The following NES variants were observed in gnomAD, a reference collection of about 807,000 sequenced individuals.
The protein encoded by NES is nestin.
Under a neutral mutation model 35.6 loss-of-function variants are expected in NES, and 27 were observed. That is an observed-to-expected ratio of 0.76 (90% confidence interval 0.56 to 1.04). The LOEUF (loss-of-function observed/expected upper bound fraction) is 1.04, where lower values mean the gene tolerates loss of function less well. NES is among the 50% of genes least tolerant of loss of function. The pLI, the probability that NES is intolerant of heterozygous loss-of-function variation, is 0.00. For synonymous variants in NES, 822 were observed against 824.2 expected (o/e 1.00, Z 0.04); for missense variants, 1,867 against 1,983.6 (o/e 0.94, Z 1.12).
Position 156,676,753 on chromosome 1 carries a change from G to A in NES, c.512C>T (p.Pro171Leu). 7.4e-7 allele frequency: 1 copy of A among 1,356,366 alleles called. No individual in the cohort carries two copies. Among genetic ancestry groups the A allele is most frequent in the Non-Finnish European group, 9.4e-7 (1 of 1,063,626 alleles). 84.0% of individuals were successfully genotyped at this position (1,356,366 alleles called of 1,614,324 possible). ...CPAPPRGPPA[P>L]APEVEELARR... ...TGCCAGCTCCTCTACCTCCGGGGCC[G>A]GCGCGGGAGGCCCGCGGGGCGGCGC... The change falls in exon 1 of 4, where the codon CCG becomes CTG. Residue 171 changes from proline (P) to leucine (L), a missense_variant. Coordinates refer to ENST00000368223, the MANE Select transcript of NES (RefSeq NM_006617.2). The surrounding 1 kb of genome is among the most constrained non-coding windows in gnomAD (Gnocchi z 5.3).
rs780232153 is a variant in NES at position 156,669,302 on chromosome 1, G to C, written c.*20C>G. The C allele has an allele frequency of 1.3e-6, 2 of 1,517,782 alleles. No homozygotes were observed. Among genetic ancestry groups the C allele is most frequent in the Non-Finnish European group, 1.8e-6 (2 of 1,125,600 alleles). The allele number at this position is 1,517,782 out of a possible 1,614,324, so 94.0% of individuals were successfully genotyped here. On this transcript the variant is annotated 3_prime_UTR_variant, in exon 4 of 4. Transcript: ENST00000368223. ...CTCCCCGCACCCCTAAGTCCCCAGT[G>C]CCGGGCAGATGGTCTTTTCCTAGTC...
chr1:156,671,277 C>T lies in NES; in HGVS notation c.2911G>A (p.Gly971Arg), dbSNP rs1679725245. Residue 971 changes from glycine to arginine, a missense_variant, in exon 4 of 4, where the codon GGA becomes AGA. By Grantham distance (125) the Gly-to-Arg change is moderately radical. Coordinates refer to ENST00000368223, the MANE Select transcript of NES (RefSeq NM_006617.2). Reference sequence around the variant, plus strand: ...TCTGCCTCATCCTCATTTTCCACTCCAGCCATCCCAGGAGGGCTTTCCTGA... The same window carrying T: ...TCTGCCTCATCCTCATTTTCCACTCTAGCCATCCCAGGAGGGCTTTCCTGA... ...LAQESPPGMA[G>R]VENEDEAELN... is the part of the protein sequence containing the mutation. 5.6e-6 allele frequency: 9 copies of T among 1,614,044 alleles called. No homozygotes were observed. The highest frequency in any genetic ancestry group is 7.6e-6 in the Non-Finnish European group (9 of 1,180,034).
Position 156,675,306 on chromosome 1 carries a change from C to A in NES, c.818G>T (p.Gly273Val), listed in dbSNP as rs1379530051. ...AVEALEQEKQGLQSQIAQVLE... is the reference protein window; with the variant it reads ...AVEALEQEKQVLQSQIAQVLE... ...GACCTGAGCGATCTGGCTCTGTAGG[C>A]CCTGTTTCTCCTGCTCCAGGGCCTC... is the stretch of plus-strand genomic sequence containing the variant. Residue 273 changes from glycine (G) to valine (V), a missense_variant, in exon 2 of 4, where the codon GGC becomes GTC. Gly to Val is a moderately radical substitution (Grantham distance 109, BLOSUM62 -3). Coordinates refer to ENST00000368223, the MANE Select transcript of NES (RefSeq NM_006617.2). 1 of 1,612,882 alleles carries A rather than the reference C, an allele frequency of 6.2e-7. No individual in the cohort carries two copies. Among genetic ancestry groups the A allele is most frequent in the East Asian group, 2.2e-5 (1 of 44,840 alleles).
rs754600642 is a variant in NES, at chr1:156,670,604, G to T, written c.3584C>A (p.Thr1195Asn). 6.2e-7 allele frequency: 1 copy of T among 1,613,772 alleles called. No individual in the cohort carries two copies. The highest frequency in any genetic ancestry group is 1.1e-5 in the South Asian group (1 of 91,080). ...CCAAGGTGAAGGGGCATCACTTCCA[G>T]TGTGGCCCAGGGTCTCAGCAGGGAA... The part of the protein sequence containing the change: ...EAFPAETLGH[T>N]GSDAPSPWPL... Residue 1195 changes from threonine to asparagine, a missense_variant, in exon 4 of 4, where the codon ACT (threonine) becomes AAT (asparagine). Physicochemically the swap from Thr to Asn is moderately conservative, Grantham distance 65. Transcript: ENST00000368223.
In NES at chr1:156,677,367, C is replaced by A; in HGVS notation, c.-103G>T. 1.3e-4 allele frequency: 35 copies of A among 267,912 alleles called. No homozygotes were observed. Among genetic ancestry groups the A allele is most frequent in the South Asian group, 3.2e-4 (11 of 34,832 alleles). The allele number at this position is 267,912 out of a possible 1,614,324, so 16.6% of individuals were successfully genotyped here. A position where few individuals can be genotyped will look rare whatever the true frequency, so the allele number is the denominator to read the frequency against. On this transcript the variant is annotated 5_prime_UTR_variant, in exon 1 of 4. Coordinates refer to ENST00000368223, the MANE Select transcript of NES (RefSeq NM_006617.2). The surrounding 1 kb of genome is among the most constrained non-coding windows in gnomAD (Gnocchi z 4.5). ...GGAAGAGAAAAGAGACCGACGGGGA[C>A]AATGACGGGGCGGGGCGGGGTGGGA...
Position 156,671,020 on chromosome 1 carries a change from G to A in NES, c.3168C>T (p.Pro1056=), listed in dbSNP as rs938292722. 21 of 1,612,550 alleles carry A rather than the reference G, an allele frequency of 1.3e-5. No homozygotes were observed. The highest frequency in any genetic ancestry group is 1.7e-5 in the Non-Finnish European group (20 of 1,179,642). ...QQVGAPGLQA[P]QGLPEAIEPL... The stretch of plus-strand genomic sequence containing the variant: ...GCTCTATCGCCTCTGGCAGCCCCTG[G>A]GGAGCCTGGAGGCCTGGGGCCCCCA... Residue 1056 remains proline (P), a synonymous_variant, in exon 4 of 4, where the codon CCC becomes CCT. Transcript: ENST00000368223.
In NES at chr1:156,671,934, G is replaced by A; in HGVS notation, c.2254C>T (p.Gln752Ter). The A allele has an allele frequency of 1.2e-6, 2 of 1,614,084 alleles. No homozygotes were observed. The highest frequency in any genetic ancestry group is 1.7e-6 in the Non-Finnish European group (2 of 1,180,026). ...KSLRSLEEQD[Q>*]ETLRTLEKET... is the part of the protein sequence containing the mutation. ...TTTTCAAGAGTTCTCAATGTCTCTT[G>A]GTCCTGTTCTTCTAAAGACCTCAGT... The change falls in exon 4 of 4, where the codon CAA becomes TAA. Residue 752 changes from glutamine to a stop codon, truncating the protein, a stop_gained. Transcript: ENST00000368223. LOFTEE classifies it low-confidence loss of function (END_TRUNC).
In NES at chr1:156,670,023, G is replaced by T. The variant is rs757359105; in HGVS notation, c.4165C>A (p.Pro1389Thr). The T allele has an allele frequency of 6.2e-7, 1 of 1,613,984 alleles. No individual in the cohort carries two copies. Among genetic ancestry groups the T allele is most frequent in the Non-Finnish European group, 8.5e-7 (1 of 1,179,988 alleles). The change falls in exon 4 of 4, where the codon CCT becomes ACT. Residue 1389 changes from proline (P) to threonine (T), a missense_variant. Physicochemically the swap from Pro to Thr is conservative, Grantham distance 38. Coordinates refer to ENST00000368223, the MANE Select transcript of NES (RefSeq NM_006617.2). The stretch of plus-strand genomic sequence containing the variant: ...AGCAGCTGGGGCACCTGGCCCAGAG[G>T]TTCTGCCACCTCCCCAGGGACCCCA... ...LPGVPGEVAE[P>T]LGQVPQLLLD...
intron 1 of NES, 21 bp from the exon 2 acceptor site, chr1:156,675,361 A>G (rs961540741): frequency 6.3e-7 from 1 of 1,589,558 alleles, no homozygotes; most frequent in South Asian, 1.1e-5. Flanking sequence ...GGCGAGAGGC[A>G]GTCAGTGGAG....
chr1:156,669,322 C>G lies in NES; in HGVS notation c.4866G>C (p.Ter1622TyrextTer11). The change falls in exon 4 of 4, where the codon TAG becomes TAC. Residue 1622 changes from the stop codon to tyrosine (Y), a stop_lost. Coordinates refer to ENST00000368223, the MANE Select transcript of NES (RefSeq NM_006617.2). ...CCAGTGCCGGGCAGATGGTCTTTTC[C>G]TAGTCCTCCCCTGAGGACCAGGACT... is the stretch of plus-strand genomic sequence containing the variant. ...DRESWSSGED[*>Y] The G allele has an allele frequency of 1.3e-6, 2 of 1,545,954 alleles. No homozygotes were observed. The highest frequency in any genetic ancestry group is 2.7e-5 in the African/African-American group (2 of 72,766).
chr1:156,673,908 G>A (rs1009860418), intron 2 of NES, among the ~76,000 whole-genome samples: 15 of 152,124 alleles, frequency 9.9e-5, no homozygotes, highest in Non-Finnish European at 1.6e-4. Flanking sequence ...TGCTGCCATT[G>A]TCCAAGCCAC....
chr1:156,670,836 C>A lies in NES; in HGVS notation c.3352G>T (p.Glu1118Ter). 1 of 1,612,916 alleles carries A rather than the reference C, an allele frequency of 6.2e-7. No individual in the cohort carries two copies. The highest frequency in any genetic ancestry group is 8.5e-7 in the Non-Finnish European group (1 of 1,179,264). Residue 1118 changes from glutamate to a stop codon, truncating the protein, a stop_gained, in exon 4 of 4, where the codon GAG becomes TAG. Transcript: ENST00000368223. LOFTEE classifies it low-confidence loss of function (END_TRUNC). The stretch of plus-strand genomic sequence containing the variant: ...TCTTCCAGGGGTGGTTCCATCACCT[C>A]TTCCCTGGTCAGATGGCCTGGGTCC... ...LGDPGHLTRE[E>*]VMEPPLEEES... is the part of the protein sequence containing the mutation.
chr1:156,673,613 C>T, intron 2 of NES, 86 bp from the exon 3 acceptor site: 1 of 955,150 alleles, frequency 1.0e-6, no homozygotes, highest in Non-Finnish European at 1.6e-6. Flanking sequence ...TCAGGCTGAG[C>T]TTGCACCATC....
Position 156,672,877 on chromosome 1 carries a change from A to T in NES, c.1311T>A (p.Pro437=), listed in dbSNP as rs1365370208. The change falls in exon 4 of 4, where the codon CCT becomes CCA. Residue 437 remains proline (P), a synonymous_variant. Coordinates refer to ENST00000368223, the MANE Select transcript of NES (RefSeq NM_006617.2). ...PLRAEARVAI[P]ASVLPGPEEP... is the part of the protein sequence containing the mutation. ...CCTCTGGTCCAGGCAGGACGCTGGC[A>T]GGAATGGCCACCCTGGCTTCAGCCC... 1.2e-6 allele frequency: 2 copies of T among 1,613,938 alleles called. No individual in the cohort carries two copies. The highest frequency in any genetic ancestry group is 2.7e-5 in the African/African-American group (2 of 75,040).
chr1:156,673,452 AC>A lies in NES; in HGVS notation c.982+1del. On this transcript the variant is annotated splice_donor_variant, in intron 3 of 3. Coordinates refer to ENST00000368223, the MANE Select transcript of NES (RefSeq NM_006617.2). LOFTEE classifies it high-confidence loss of function. Reference sequence around the variant, plus strand: ...CTGGGGGAACTTGGCCCCTCCTCTTACCCTGAAAGCTGAGGGAAGTCTTGGA... The same window carrying A: ...CTGGGGGAACTTGGCCCCTCCTCTTACCTGAAAGCTGAGGGAAGTCTTGGA... The A allele has an allele frequency of 1.2e-6, 2 of 1,612,128 alleles. No homozygotes were observed. Among genetic ancestry groups the A allele is most frequent in the Non-Finnish European group, 1.7e-6 (2 of 1,178,556 alleles).
Position 156,672,951 on chromosome 1 carries a change from A to G in NES, c.1237T>C (p.Ser413Pro), listed in dbSNP as rs746008956. The change falls in exon 4 of 4, where the codon TCT (serine) becomes CCT (proline). Residue 413 changes from serine to proline, a missense_variant. Ser to Pro is a moderately conservative substitution (Grantham distance 74). Coordinates refer to ENST00000368223, the MANE Select transcript of NES (RefSeq NM_006617.2). ...AEIRAQDAPL[S>P]LLQTQGGRKQ... ...CTCCCACCCTGTGTCTGGAGCAGAG[A>G]GAGAGGAGCATCCTGGGCTCTGATC... 3.7e-6 allele frequency: 6 copies of G among 1,613,872 alleles called. No individual in the cohort carries two copies. The highest frequency in any genetic ancestry group is 5.1e-6 in the Non-Finnish European group (6 of 1,180,016).
chr1:156,676,959 C>G lies in NES; in HGVS notation c.306G>C (p.Arg102=). 6.4e-7 allele frequency: 1 copy of G among 1,559,842 alleles called. No individual in the cohort carries two copies. The highest frequency in any genetic ancestry group is 8.6e-7 in the Non-Finnish European group (1 of 1,160,904). The part of the protein sequence containing the change: ...AGRCQQLRLA[R]ERTTEEVARN... ...GGGCTACCTCCTCCGTCGTCCGCTCCCGGGCCAGCCGCAGCTGCTGGCATC... is the reference window on the plus strand; with the variant it reads ...GGGCTACCTCCTCCGTCGTCCGCTCGCGGGCCAGCCGCAGCTGCTGGCATC... Residue 102 remains arginine (R), a synonymous_variant, in exon 1 of 4, where the codon CGG becomes CGC. Coordinates refer to ENST00000368223, the MANE Select transcript of NES (RefSeq NM_006617.2). The surrounding 1 kb of genome is among the most constrained non-coding windows in gnomAD (Gnocchi z 5.3).
Position 156,672,902 on chromosome 1 carries a change from C to T in NES, c.1286G>A (p.Arg429Gln), listed in dbSNP as rs758249667. 2.1e-5 allele frequency: 34 copies of T among 1,613,976 alleles called. No individual in the cohort carries two copies. The South Asian group carries it at 2.6e-4, about 13-fold the overall frequency. The change falls in exon 4 of 4, where the codon CGG becomes CAG. Residue 429 changes from arginine to glutamine, a missense_variant. Physicochemically the swap from Arg to Gln is conservative, Grantham distance 43 (BLOSUM62 1). Transcript: ENST00000368223. ...GGRKQAPEPL[R>Q]AEARVAIPAS... ...AGGAATGGCCACCCTGGCTTCAGCC[C>T]GCAGGGGCTCTGGAGCCTGTTTCCT... is the stretch of plus-strand genomic sequence containing the variant.
In NES at chr1:156,672,281, A is replaced by G; in HGVS notation, c.1907T>C (p.Met636Thr). 6.2e-7 allele frequency: 1 copy of G among 1,602,218 alleles called. No individual in the cohort carries two copies. Among genetic ancestry groups the G allele is most frequent in the Non-Finnish European group, 8.5e-7 (1 of 1,176,284 alleles). ...QSLQKENQELMKSLEGNLETF... is the reference protein window; with the variant it reads ...QSLQKENQELTKSLEGNLETF... Reference sequence around the variant, plus strand: ...CTCTAGATTACCTTCAAGAGATTTCATTAGTTCTTGATTCTCCTTTTGCAG... The same window carrying G: ...CTCTAGATTACCTTCAAGAGATTTCGTTAGTTCTTGATTCTCCTTTTGCAG... The change falls in exon 4 of 4, where the codon ATG becomes ACG. Residue 636 changes from methionine (M) to threonine (T), a missense_variant. Coordinates refer to ENST00000368223, the MANE Select transcript of NES (RefSeq NM_006617.2).
Sources: gnomAD v4.1 joint callset for allele counts (sites outside exome capture counted in the v4.1 genomes callset) on GRCh38, gnomAD v4.1.1 for gene constraint, Gnocchi (gnomAD v3.1) non-coding constraint, MANE v1.5 for transcripts, NCBI Gene and HGNC (gene_info 2026-07-23, HGNC 2026-07-21) for gene names.